The following GRIK2 variants were observed in gnomAD, a reference collection of about 807,000 sequenced individuals.
GRIK2 encodes glutamate ionotropic receptor kainate type subunit 2, also known as glutamate receptor ionotropic, kainate 2.
GRIK2 carries 32 observed loss-of-function variants against 100.3 expected under a neutral mutation model. That is an observed-to-expected ratio of 0.32 (90% CI 0.24 to 0.43). The LOEUF (loss-of-function observed/expected upper bound fraction) is 0.43. GRIK2 is among the 20% of genes least tolerant of loss of function. The probability of loss-of-function intolerance (pLI) is 1.00; values close to 1 mark genes in which losing one functional copy is unlikely to be tolerated. For synonymous variants in GRIK2, 417 were observed against 389.4 expected (o/e 1.07, Z -0.83); for missense variants, 843 against 1,114.9 (o/e 0.76, Z 3.47).
At chr6:101,653,674 G>A (rs1781925905) in intron 4 of GRIK2, among the ~76,000 whole-genome samples, 1 of 151,472 alleles carries the variant, frequency 6.6e-6, no homozygotes, top group Admixed American at 6.6e-5. Context: ...CCAGGCTGGA[G>A]TACAGTGGCA....
chr6:101,895,653 A>G (rs914156733), intron 12 of GRIK2, among the ~76,000 whole-genome samples: 1 of 151,810 alleles, frequency 6.6e-6, no homozygotes, highest in African/African-American at 2.4e-5. Flanking sequence ...CTGTTGTCAC[A>G]TTAAAATGAA....
chr6:101,406,684 T>C (rs1352497937), intron 2 of GRIK2, among the ~76,000 whole-genome samples: 3 of 152,118 alleles, frequency 2.0e-5, no homozygotes, highest in Non-Finnish European at 4.4e-5. Context: ...GTGATTAGCA[T>C]GGGTGTGGAA....
intron 2 of GRIK2, among the ~76,000 whole-genome samples, chr6:101,455,348 A>G (rs1248006335): frequency 6.6e-6 from 1 of 152,184 alleles, no homozygotes; most frequent in East Asian, 1.9e-4. Flanking sequence ...CCATAATTCA[A>G]AACAATGCTT....
intron 2 of GRIK2, among the ~76,000 whole-genome samples, chr6:101,494,971 T>TTATATATATATA (rs369006296): frequency 0.043 from 4,582 of 107,480 alleles, 181 homozygotes; most frequent in East Asian, 0.049. Context: ...ATATATGCAT[T>TTATATATATATA]TATATATATA....
chr6:101,629,582 C>G (rs780652217), intron 4 of GRIK2, among the ~76,000 whole-genome samples: 1 of 152,064 alleles, frequency 6.6e-6, no homozygotes, highest in Non-Finnish European at 1.5e-5. Flanking sequence ...TACTTTACAG[C>G]ATTTTTGAGA....
chr6:101,728,904 G>A (rs1466141719), intron 7 of GRIK2, among the ~76,000 whole-genome samples: 1 of 151,968 alleles, frequency 6.6e-6, no homozygotes, highest in African/African-American at 2.4e-5. Flanking sequence ...CCTTGAAATA[G>A]GTGTCTTATG....
intron 10 of GRIK2, among the ~76,000 whole-genome samples, chr6:101,856,834 T>C (rs1479022114): frequency 6.6e-6 from 1 of 152,054 alleles, no homozygotes; most frequent in South Asian, 2.1e-4. Flanking sequence ...TAGACTTCAA[T>C]GAGGGAAATA....
At chr6:102,056,928 T>C (rs1200700357) in intron 16 of GRIK2, among the ~76,000 whole-genome samples, 3 of 152,020 alleles carry the variant, frequency 2.0e-5, no homozygotes, top group Non-Finnish European at 4.4e-5. Context: ...TAACATGATT[T>C]GTTTTCACAA....
intron 10 of GRIK2, among the ~76,000 whole-genome samples, chr6:101,818,814 A>G (rs1316291923): frequency 2.0e-5 from 3 of 152,208 alleles, no homozygotes; most frequent in Non-Finnish European, 4.4e-5. Context: ...AAATATAGTT[A>G]AGTGATGAGC....
chr6:101,618,383 G>T (rs2128315481), intron 2 of GRIK2, among the ~76,000 whole-genome samples: 1 of 151,524 alleles, frequency 6.6e-6, no homozygotes, highest in South Asian at 2.1e-4. Flanking sequence ...CTTTGTCCTA[G>T]AATTCAAAAT....
chr6:102,035,763 A>C (rs2114428589), intron 15 of GRIK2, among the ~76,000 whole-genome samples, 197 bp downstream of exon 15: 1 of 151,554 alleles, frequency 6.6e-6, no homozygotes, highest in African/African-American at 2.4e-5. Flanking sequence ...ATAGGAAAAA[A>C]TAATTTCTAT....
At chr6:101,785,146 TTTTA>T (rs1043499548) in intron 7 of GRIK2, among the ~76,000 whole-genome samples, 7 of 147,348 alleles carry the variant, frequency 4.8e-5, no homozygotes, top group Admixed American at 2.0e-4. Flanking sequence ...TAATGGGATT[TTTTA>T]TTTATTTATT....
In GRIK2 at chr6:101,790,767, G is replaced by A. The variant is rs1779789556; in HGVS notation, c.952-8881G>A. ...CCCTCTTTTTCTATTGATTGGAATA[G>A]TTTCAGAAGGAATGGTACCAGTTCC... On this transcript the variant is annotated intron_variant, in intron 7 of 16. Transcript: ENST00000369134. 4.6e-5 allele frequency among the ~76,000 whole-genome samples: 7 copies of A among 151,460 alleles called. No homozygotes were observed. In the South Asian group the frequency reaches 1.5e-3, roughly 32 times the overall value.
chr6:101,961,626 C>T (rs1361900380), intron 14 of GRIK2, among the ~76,000 whole-genome samples: 20 of 152,192 alleles, frequency 1.3e-4, no homozygotes, highest in South Asian at 1.2e-3. Context: ...ATGCAATGGG[C>T]GCAGTAATCT....
At chr6:102,006,386 A>T (rs1422920038) in intron 14 of GRIK2, among the ~76,000 whole-genome samples, 43 of 111,184 alleles carry the variant, frequency 3.9e-4, no homozygotes, top group African/African-American at 2.2e-3. Flanking sequence ...ATATATATAT[A>T]TATATTTTTT....
At chr6:101,478,219 A>T (rs189834076) in intron 2 of GRIK2, among the ~76,000 whole-genome samples, 30 of 152,116 alleles carry the variant, frequency 2.0e-4, no homozygotes, top group Non-Finnish European at 1.3e-4. Context: ...GTCCTTGAAA[A>T]TTATTAGGTA....
intron 2 of GRIK2, among the ~76,000 whole-genome samples, chr6:101,613,523 A>G (rs1397115100): frequency 6.6e-6 from 1 of 151,858 alleles, no homozygotes; most frequent in African/African-American, 2.4e-5. Flanking sequence ...ACCAACTGTA[A>G]GTAAAAGATA....
intron 16 of GRIK2, among the ~76,000 whole-genome samples, chr6:102,060,149 A>G (rs1771675186): frequency 6.6e-6 from 1 of 150,826 alleles, no homozygotes; most frequent in Non-Finnish European, 1.5e-5. Flanking sequence ...GACATAGTCT[A>G]CTTTGGTCAA....
chr6:101,790,306 C>T (rs1182719950), intron 7 of GRIK2, among the ~76,000 whole-genome samples: 2 of 151,982 alleles, frequency 1.3e-5, no homozygotes, highest in Non-Finnish European at 2.9e-5. Context: ...GGAATGCTTC[C>T]AGTTTTTGCC....
Sources: gnomAD v4.1 joint callset for allele counts (sites outside exome capture counted in the v4.1 genomes callset) on GRCh38, gnomAD v4.1.1 for gene constraint, MANE v1.5 for transcripts, NCBI Gene and HGNC (gene_info 2026-07-23, HGNC 2026-07-21) for gene names.